The following GOPC variants were observed in gnomAD, a reference collection of about 807,000 sequenced individuals.
The protein encoded by GOPC is Golgi-associated PDZ and coiled-coil motif-containing protein.
A neutral mutation model predicts 51.2 loss-of-function variants in GOPC; 32 were observed. The ratio of observed to expected loss-of-function variants is 0.63; its 90% CI spans 0.47 to 0.84. The LOEUF (loss-of-function observed/expected upper bound fraction) is 0.84. Ranked by LOEUF, GOPC falls within the 40% of genes least tolerant of loss-of-function variation. GOPC has a pLI of 0.00. For synonymous variants in GOPC, 190 were observed against 205.1 expected, an observed-to-expected ratio of 0.93 and a Z score of 0.63; for missense variants, 441 against 555.5, an observed-to-expected ratio of 0.79 and a Z score of 2.07.
chr6:117,570,124 G>A (rs893450306), intron 6 of GOPC, among the ~76,000 whole-genome samples: 2 of 151,794 alleles, frequency 1.3e-5, no homozygotes, highest in Admixed American at 1.3e-4. Context: ...AAAAAATGCA[G>A]TATTTGGTAC....
chr6:117,570,490 A>G (rs76910245), intron 6 of GOPC, among the ~76,000 whole-genome samples: 8 of 152,126 alleles, frequency 5.3e-5, no homozygotes, highest in Admixed American at 5.2e-4. Flanking sequence ...CAGCTAATAA[A>G]TGAGGCAAGA....
Position 117,577,479 on chromosome 6 carries a change from T to A in GOPC, c.451-8A>T. ...CTCCACAGAGGGGCCAGACTTCAGA[T>A]ATAAGAAAAAAGTTTTATAATTAGA... On this transcript the variant is annotated splice_region_variant and splice_polypyrimidine_tract_variant and intron_variant, in intron 2 of 8. Coordinates refer to ENST00000368498, the MANE Select transcript of GOPC (RefSeq NM_020399.4). 1 of 1,597,238 alleles carries A rather than the reference T, an allele frequency of 6.3e-7. No individual in the cohort carries two copies. Among genetic ancestry groups the A allele is most frequent in the African/African-American group, 1.3e-5 (1 of 74,124 alleles).
intron 1 of GOPC, among the ~76,000 whole-genome samples, chr6:117,590,368 C>T (rs558373243): frequency 3.9e-4 from 59 of 152,052 alleles, no homozygotes; most frequent in African/African-American, 1.4e-3. Context: ...CTTAGGAGAT[C>T]GAGACCAGCC....
In GOPC at chr6:117,578,894, A is replaced by G; in HGVS notation, c.450+6T>C. The G allele has an allele frequency of 6.3e-7, 1 of 1,577,774 alleles. No homozygotes were observed. Among genetic ancestry groups the G allele is most frequent in the East Asian group, 2.3e-5 (1 of 43,486 alleles). ...GCAAGGGCATGTCACTCTCTAAACT[A>G]CTTACCAATTTTGCCTTAATGGTAC... is the stretch of plus-strand genomic sequence containing the variant. On this transcript the variant is annotated splice_donor_region_variant and intron_variant, in intron 2 of 8. Transcript: ENST00000368498.
intron 1 of GOPC, among the ~76,000 whole-genome samples, chr6:117,590,527 G>A (rs957427056): frequency 2.1e-5 from 3 of 141,528 alleles, no homozygotes; most frequent in African/African-American, 8.1e-5. Flanking sequence ...AGCCATGATC[G>A]TGTCACTACA....
chr6:117,580,245 T>C (rs1779938713), intron 1 of GOPC, among the ~76,000 whole-genome samples: 1 of 152,070 alleles, frequency 6.6e-6, no homozygotes, highest in Non-Finnish European at 1.5e-5. Context: ...GCCTAGTGCA[T>C]AAAAGATGCT....
rs1291266742 is a variant in GOPC, at chr6:117,602,127, C to A, written c.162G>T (p.Glu54Asp). 2 of 1,614,164 alleles carry A rather than the reference C, an allele frequency of 1.2e-6. No individual in the cohort carries two copies. Among genetic ancestry groups the A allele is most frequent in the African/African-American group, 1.3e-5 (1 of 75,042 alleles). Residue 54 changes from glutamate to aspartate, a missense_variant, in exon 1 of 9, where the codon GAG becomes GAT. Physicochemically the swap from Glu to Asp is conservative, Grantham distance 45 (BLOSUM62 2). This residue lies in a region of GOPC where 204 missense variants were observed against 219.8 expected (regional missense o/e 0.93). Coordinates refer to ENST00000368498, the MANE Select transcript of GOPC (RefSeq NM_020399.4). ...AFVDVDLLLGEIDPDQADITY... is the reference protein window; with the variant it reads ...AFVDVDLLLGDIDPDQADITY... ...TGATGTCCGCTTGGTCTGGATCGATCTCTCCCAGGAGCAGATCCACATCCA... is the reference window on the plus strand; with the variant it reads ...TGATGTCCGCTTGGTCTGGATCGATATCTCCCAGGAGCAGATCCACATCCA...
At chr6:117,599,954 T>G (rs1321560034) in intron 1 of GOPC, among the ~76,000 whole-genome samples, 1 of 152,232 alleles carries the variant, frequency 6.6e-6, no homozygotes, top group Non-Finnish European at 1.5e-5. Flanking sequence ...GTTTCATTTT[T>G]AAAAAGTTGT....
At chr6:117,568,882 GC>G (rs1779751043) in intron 7 of GOPC, among the ~76,000 whole-genome samples, 1 of 152,126 alleles carries the variant, frequency 6.6e-6, no homozygotes, top group African/African-American at 2.4e-5. Flanking sequence ...ACTCTGAGAT[GC>G]AATTCTACAG....
intron 7 of GOPC, among the ~76,000 whole-genome samples, chr6:117,568,023 C>T (rs189609458): frequency 9.2e-6 from 1 of 108,294 alleles, no homozygotes. Context: ...AAACCCATCT[C>T]TACAAAAAAA....
intron 5 of GOPC, among the ~76,000 whole-genome samples, chr6:117,572,354 A>C (rs1043112179): frequency 1.3e-5 from 2 of 152,140 alleles, no homozygotes; most frequent in Admixed American, 6.6e-5. Context: ...TTCTTCTCAA[A>C]TGCCACTTCT....
At chr6:117,588,767 T>G (rs1780070199) in intron 1 of GOPC, among the ~76,000 whole-genome samples, 1 of 150,564 alleles carries the variant, frequency 6.6e-6, no homozygotes, top group Admixed American at 6.6e-5. Flanking sequence ...ATTCTACATT[T>G]ATACTTTTTT....
At chr6:117,587,286 A>G (rs1464260737) in intron 1 of GOPC, among the ~76,000 whole-genome samples, 1 of 152,174 alleles carries the variant, frequency 6.6e-6, no homozygotes, top group Non-Finnish European at 1.5e-5. Context: ...TCCTCATAAT[A>G]TACTCTGAGA....
intron 1 of GOPC, among the ~76,000 whole-genome samples, chr6:117,597,125 A>G (rs1039323141): frequency 3.3e-5 from 5 of 152,110 alleles, no homozygotes; most frequent in Non-Finnish European, 7.4e-5. Context: ...TATATTCCAA[A>G]ATATTTTAAT....
At chr6:117,580,788 T>A (rs575874971) in intron 1 of GOPC, among the ~76,000 whole-genome samples, 1 of 152,156 alleles carries the variant, frequency 6.6e-6, no homozygotes, top group African/African-American at 2.4e-5. Context: ...AAGGACACAG[T>A]AGCAACGTCC....
rs747822461 is a variant in GOPC, at chr6:117,602,238, G to A, written c.51C>T (p.Gly17=). The change falls in exon 1 of 9, where the codon GGC becomes GGT. Residue 17 remains glycine, a synonymous_variant. Coordinates refer to ENST00000368498, the MANE Select transcript of GOPC (RefSeq NM_020399.4). ...CAGGGGCCCCCACGGAGCAGGAGGC[G>A]CCCCCTGGGCCCCCTCCGGCTGCTG... ...CPAAAGGGPG[G]ASCSVGAPGG... is the part of the protein sequence containing the mutation. 43 of 1,601,338 alleles carry A rather than the reference G, an allele frequency of 2.7e-5. No homozygotes were observed. The South Asian group carries it at 4.3e-4, about 16-fold the overall frequency.
At chr6:117,595,440 G>C (rs1283055922) in intron 1 of GOPC, among the ~76,000 whole-genome samples, 4 of 152,124 alleles carry the variant, frequency 2.6e-5, no homozygotes, top group Non-Finnish European at 5.9e-5. Flanking sequence ...GGTGGGGTTT[G>C]GTTATGTGAA....
rs1175792361 is a variant in GOPC, at chr6:117,566,893, T to C, written c.1219A>G (p.Ser407Gly). The C allele has an allele frequency of 6.3e-7, 1 of 1,597,886 alleles. No individual in the cohort carries two copies. The highest frequency in any genetic ancestry group is 8.5e-7 in the Non-Finnish European group (1 of 1,173,770). ...ELEGGGNPGASCKDTSGEIKV... is the reference protein window; with the variant it reads ...ELEGGGNPGAGCKDTSGEIKV... Reference sequence around the variant, plus strand: ...ATTTCCCCACTTGTGTCTTTGCAACTAGCACCAGGGTTACCACCTCCTTCT... The same window carrying C: ...ATTTCCCCACTTGTGTCTTTGCAACCAGCACCAGGGTTACCACCTCCTTCT... Residue 407 changes from serine to glycine, a missense_variant, in exon 8 of 9, where the codon AGT (serine) becomes GGT (glycine). Ser to Gly is a moderately conservative substitution (Grantham distance 56). Coordinates refer to ENST00000368498, the MANE Select transcript of GOPC (RefSeq NM_020399.4).
rs767550857 is a variant in GOPC, at chr6:117,577,588, T to TC, written c.451-118dup. ...ATGTTGGATATCATTTGGGTAAAGT[T>TC]CATTAGAACAAATATATTTGCAATC... On this transcript the variant is annotated intron_variant, in intron 2 of 8. Transcript: ENST00000368498. The TC allele has an allele frequency of 2.1e-5, 15 of 723,640 alleles. No individual in the cohort carries two copies. In the East Asian group the frequency reaches 2.8e-4, roughly 13 times the overall value. 44.8% of individuals were successfully genotyped at this position (723,640 alleles called of 1,614,324 possible).
Sources: gnomAD v4.1 joint callset for allele counts (sites outside exome capture counted in the v4.1 genomes callset) on GRCh38, gnomAD v4.1.1 for gene constraint, gnomAD v4.1.1 regional missense constraint, MANE v1.5 for transcripts, NCBI Gene and HGNC (gene_info 2026-07-23, HGNC 2026-07-21) for gene names.